The following MCF2 variants were observed in gnomAD, a reference collection of about 807,000 sequenced individuals.
The protein encoded by MCF2 is proto-oncogene DBL.
MCF2 carries 44 observed loss-of-function variants against 82.5 expected under a neutral mutation model. The ratio of observed to expected loss-of-function variants is 0.53; its 90% CI spans 0.42 to 0.69. The LOEUF is 0.69. Among genes scored for constraint, MCF2 ranks in the 30% least tolerant of loss-of-function variants. The pLI, the probability that MCF2 is intolerant of heterozygous loss-of-function variation, is 0.00. For missense variants in MCF2, 623 were observed against 663.1 expected (o/e 0.94, Z 0.66); for synonymous variants, 217 against 224.9 (o/e 0.96, Z 0.32).
At chrX:139,697,779 C>A (rs1262443888) in intron 1 of MCF2, among the ~76,000 whole-genome samples, 1 of 111,830 alleles carries the variant, frequency 8.9e-6, no homozygotes, top group Non-Finnish European at 1.9e-5. Context: ...ACTTTCCTTT[C>A]AGAAGAAAAT....
chrX:139,614,748 A>G lies in MCF2; in HGVS notation c.1363+133T>C, dbSNP rs1012555028. ...CAATCTGACTCTTGCCTTGCACAAT[A>G]TAAATATGACCAAAGATGCTAAAGT... On this transcript the variant is annotated intron_variant, in intron 10 of 24. Transcript: ENST00000370576. 1.7e-5 allele frequency: 10 copies of G among 596,281 alleles called. No homozygotes were observed. The Admixed American group carries it at 2.4e-4, about 14-fold the overall frequency. 49.1% of individuals were successfully genotyped at this position (596,281 alleles called of 1,213,427 possible). A position where few individuals can be genotyped will look rare whatever the true frequency, so the allele number is the denominator to read the frequency against.
At chrX:139,609,780 C>A (rs957557300) in intron 11 of MCF2, among the ~76,000 whole-genome samples, 1 of 110,490 alleles carries the variant, frequency 9.1e-6, no homozygotes, top group Non-Finnish European at 1.9e-5. Flanking sequence ...GAGCTATGGT[C>A]ACCCCTGTGA....
chrX:139,627,019 C>T (rs1404681656), intron 4 of MCF2, among the ~76,000 whole-genome samples: 2 of 112,012 alleles, frequency 1.8e-5, no homozygotes, highest in Non-Finnish European at 3.8e-5. Flanking sequence ...GGCAGAAGTA[C>T]CATGTGCTCT....
chrX:139,650,679 C>G (rs1297929434), intron 2 of MCF2, among the ~76,000 whole-genome samples: 1 of 111,759 alleles, frequency 8.9e-6, no homozygotes, highest in Non-Finnish European at 1.9e-5. Flanking sequence ...CAAAGTCTGA[C>G]CAGAAGCTAA....
At chrX:139,655,051 A>T (rs1934151729) in intron 1 of MCF2, among the ~76,000 whole-genome samples, 1 of 111,966 alleles carries the variant, frequency 8.9e-6, no homozygotes, top group Non-Finnish European at 1.9e-5. Flanking sequence ...ACAGCTTTGT[A>T]GCAAGTTTTG....
chrX:139,590,221 A>G (rs2148397269), intron 19 of MCF2, among the ~76,000 whole-genome samples: 1 of 111,595 alleles, frequency 9.0e-6, no homozygotes, highest in South Asian at 3.7e-4. Flanking sequence ...TTATAAATTA[A>G]TAGTACACTA....
intron 19 of MCF2, among the ~76,000 whole-genome samples, chrX:139,593,416 C>T (rs6635888): frequency 0.016 from 1,784 of 110,694 alleles, 32 homozygotes; most frequent in African/African-American, 0.055. Context: ...CCAAAAAGAG[C>T]CCAGGACCAG....
exon 25 of MCF2, chrX:139,582,080 A>G (rs1271142762): frequency 4.8e-6 from 1 of 206,649 alleles, no homozygotes; most frequent in African/African-American, 3.0e-5. Context: ...ATATTAAATC[A>G]TAATGTTGTG....
At chrX:139,607,590 A>C in intron 12 of MCF2, 101 bp downstream of exon 16, 3 of 530,444 alleles carry the variant, frequency 5.7e-6, no homozygotes, top group South Asian at 1.0e-4. Flanking sequence ...GTAAAACCCC[A>C]TTCTGTGAAC....
At chrX:139,696,342 C>CTCTTT (rs1301044433) in intron 1 of MCF2, among the ~76,000 whole-genome samples, 3 of 67,630 alleles carry the variant, frequency 4.4e-5, no homozygotes, top group African/African-American at 2.6e-4. Flanking sequence ...TCTTTCTCTT[C>CTCTTT]TCTCCTCTCC....
At chrX:139,633,976 G>T (rs916479352) in intron 1 of MCF2, among the ~76,000 whole-genome samples, 4 of 111,572 alleles carry the variant, frequency 3.6e-5, no homozygotes, top group Admixed American at 9.5e-5. Context: ...GTAACTGGTT[G>T]AATAGTACAA....
chrX:139,591,157 C>T (rs1200370353), intron 19 of MCF2, among the ~76,000 whole-genome samples: 2 of 111,354 alleles, frequency 1.8e-5, no homozygotes, highest in African/African-American at 6.5e-5. Flanking sequence ...TACATCTCTA[C>T]CATTCACTAG....
exon 22 of MCF2, chrX:139,587,749 T>C: frequency 1.7e-6 from 2 of 1,197,956 alleles, no homozygotes; most frequent in Non-Finnish European, 1.1e-6. Context: ...CTGAAACTTA[T>C]CCCGTTCTGT....
intron 17 of MCF2, 115 bp from the exon 22 acceptor site, chrX:139,597,700 G>A: frequency 1.8e-6 from 1 of 552,492 alleles, no homozygotes; most frequent in Non-Finnish European, 2.8e-6. Flanking sequence ...TCACATTTTG[G>A]AGTAATTCCT....
In MCF2 at chrX:139,591,535, G is replaced by A. The variant is rs769359224; in HGVS notation, c.2278-1608C>T. On this transcript the variant is annotated intron_variant, in intron 19 of 24. Coordinates refer to ENST00000370576, the Ensembl canonical transcript of MCF2. ...ATGAACTAAGGAATCTGAAGGACTC[G>A]AATCTCCCCATCTGGTCAACTTTGA... Among the ~76,000 whole-genome samples, 18 of 110,977 alleles carry A rather than the reference G, an allele frequency of 1.6e-4. No individual in the cohort carries two copies. The South Asian group carries it at 2.7e-3, about 17-fold the overall frequency.
intron 1 of MCF2, among the ~76,000 whole-genome samples, chrX:139,663,645 G>A (rs1182815133): frequency 2.0e-5 from 2 of 101,011 alleles, no homozygotes. Context: ...AATGTCTGTT[G>A]TTTCCTTCTT....
chrX:139,671,523 T>C (rs1424149884), intron 1 of MCF2, among the ~76,000 whole-genome samples: 1 of 111,863 alleles, frequency 8.9e-6, no homozygotes, highest in Non-Finnish European at 1.9e-5. Context: ...GTTTCAGCTT[T>C]CTACATATGG....
intron 6 of MCF2, among the ~76,000 whole-genome samples, chrX:139,624,551 T>A (rs761368795): frequency 4.5e-4 from 48 of 106,665 alleles, no homozygotes; most frequent in African/African-American, 1.5e-3. Flanking sequence ...AAAAAAGGAC[T>A]ATATTCTTCA....
At chrX:139,644,051 C>A (rs1010291464), upstream of MCF2, among the ~76,000 whole-genome samples, 30 of 111,776 alleles carry the variant, frequency 2.7e-4, no homozygotes, top group Non-Finnish European at 5.6e-4. Context: ...CCTAAAAGAC[C>A]GGAGCAAGGG....
Sources: allele counts gnomAD v4.1 joint callset (sites outside exome capture counted in the v4.1 genomes callset), GRCh38; gene constraint gnomAD v4.1.1; transcripts MANE v1.5; gene names NCBI Gene and HGNC (gene_info 2026-07-23, HGNC 2026-07-21).